ZMAT4: variants seen among roughly 807,000 people sequenced by gnomAD.
ZMAT4 encodes the protein zinc finger matrin-type 4, also known as zinc finger matrin-type protein 4.
Under a neutral mutation model 28.7 loss-of-function variants are expected in ZMAT4, and 17 were observed. The observed-to-expected ratio is 0.59, with a 90% CI of 0.41 to 0.89. The LOEUF (loss-of-function observed/expected upper bound fraction) is 0.89. Ranked by LOEUF, ZMAT4 falls within the 40% of genes least tolerant of loss-of-function variation. The pLI is 0.00. For missense variants in ZMAT4, 240 were observed against 283.8 expected (o/e 0.85, Z 1.11); for synonymous variants, 117 against 109.2 (o/e 1.07, Z -0.44).
chr8:40,734,540 C>A (rs563661046), intron 3 of ZMAT4, among the ~76,000 whole-genome samples: 1 of 152,074 alleles, frequency 6.6e-6, no homozygotes, highest in Admixed American at 6.6e-5. Context: ...TACAACCGAG[C>A]GGAGAGAGAG....
At chr8:40,678,043 C>T (rs973579574) in intron 4 of ZMAT4, among the ~76,000 whole-genome samples, 3 of 152,150 alleles carry the variant, frequency 2.0e-5, no homozygotes, top group African/African-American at 7.2e-5. Context: ...TAAAACCTCC[C>T]TCCTCCCACA....
At chr8:40,638,461 C>T (rs1806879049) in intron 5 of ZMAT4, among the ~76,000 whole-genome samples, 1 of 152,176 alleles carries the variant, frequency 6.6e-6, no homozygotes, top group Admixed American at 6.5e-5. Context: ...GGTTAAAAGC[C>T]ACCTCTGCTA....
At chr8:40,739,011 A>G (rs774796081) in intron 3 of ZMAT4, among the ~76,000 whole-genome samples, 9 of 152,262 alleles carry the variant, frequency 5.9e-5, no homozygotes, top group Non-Finnish European at 1.2e-4. Context: ...ACCCCTGAGT[A>G]AGCACACTGG....
chr8:40,757,798 G>C (rs1332900836), intron 3 of ZMAT4, among the ~76,000 whole-genome samples: 1 of 152,112 alleles, frequency 6.6e-6, no homozygotes. Flanking sequence ...GTGAGGTGTT[G>C]CCAAAGGAGG....
intron 5 of ZMAT4, among the ~76,000 whole-genome samples, chr8:40,661,837 TAG>T (rs1808211447): frequency 6.6e-6 from 1 of 152,138 alleles, no homozygotes; most frequent in African/African-American, 2.4e-5. Context: ...AACTAAACAA[TAG>T]AGATATTTAG....
At chr8:40,708,279 G>A (rs142860645) in intron 3 of ZMAT4, among the ~76,000 whole-genome samples, 6 of 152,246 alleles carry the variant, frequency 3.9e-5, no homozygotes, top group East Asian at 1.9e-4. Context: ...CATCAGGAGC[G>A]CATGTCCCAT....
chr8:40,668,758 C>T lies in ZMAT4; in HGVS notation c.577+5946G>A, dbSNP rs992995304. Among the ~76,000 whole-genome samples, 5 of 152,236 alleles carry T rather than the reference C, an allele frequency of 3.3e-5. No individual in the cohort carries two copies. In the East Asian group the frequency reaches 7.7e-4, roughly 24 times the overall value. The stretch of plus-strand genomic sequence containing the variant: ...AAAGGAAAATATAAACACCAGCTGC[C>T]AGTCTTTTGGCTGTACAAGAAGCCC... On this transcript the variant is annotated intron_variant, in intron 5 of 6. Coordinates refer to ENST00000297737, the MANE Select transcript of ZMAT4 (RefSeq NM_024645.3).
chr8:40,881,499 G>GAAAGAAAA (rs1413051640), intron 1 of ZMAT4, among the ~76,000 whole-genome samples: 1 of 129,526 alleles, frequency 7.7e-6, no homozygotes, highest in Non-Finnish European at 1.6e-5. Context: ...AAGAAAGAAA[G>GAAAGAAAA]AGGAAGGAAG....
intron 2 of ZMAT4, among the ~76,000 whole-genome samples, chr8:40,786,149 A>G (rs1308217014): frequency 6.6e-6 from 1 of 152,194 alleles, no homozygotes; most frequent in African/African-American, 2.4e-5. Context: ...TCTCTTCTGC[A>G]CAGCCCTTTC....
At chr8:40,538,505 T>C (rs1008315066) in intron 6 of ZMAT4, among the ~76,000 whole-genome samples, 2 of 152,184 alleles carry the variant, frequency 1.3e-5, no homozygotes, top group Admixed American at 6.5e-5. Flanking sequence ...TCGCGGGCCA[T>C]AGTAACTCAT....
chr8:40,706,396 A>G (rs184098701), intron 3 of ZMAT4, among the ~76,000 whole-genome samples: 1 of 152,226 alleles, frequency 6.6e-6, no homozygotes, highest in African/African-American at 2.4e-5. Context: ...AAATGAATGA[A>G]TAAATGAGGT....
At chr8:40,862,975 A>T (rs1024254240) in intron 1 of ZMAT4, among the ~76,000 whole-genome samples, 32 of 152,186 alleles carry the variant, frequency 2.1e-4, no homozygotes, top group South Asian at 1.7e-3. Flanking sequence ...ATAATTTAAA[A>T]AAAAAAGAAA....
chr8:40,881,528 C>CAGAAAGAA (rs201960642), intron 1 of ZMAT4, among the ~76,000 whole-genome samples: 697 of 51,780 alleles, frequency 0.013, 16 homozygotes, highest in Middle Eastern at 0.035. Flanking sequence ...GAGAGAGAGA[C>CAGAAAGAA]AGAAAGAAAG....
At chr8:40,761,064 T>C (rs1383609991) in intron 3 of ZMAT4, among the ~76,000 whole-genome samples, 1 of 149,820 alleles carries the variant, frequency 6.7e-6, no homozygotes, top group Non-Finnish European at 1.5e-5. Context: ...GCTGGGGCAG[T>C]GGGGCAGGGG....
chr8:40,711,367 C>T (rs1250817421), intron 3 of ZMAT4, among the ~76,000 whole-genome samples: 1 of 152,182 alleles, frequency 6.6e-6, no homozygotes, highest in East Asian at 1.9e-4. Context: ...TGGGCATCAA[C>T]AGCTGCTAAC....
intron 2 of ZMAT4, among the ~76,000 whole-genome samples, chr8:40,817,599 A>C (rs1815593584): frequency 6.6e-6 from 1 of 152,200 alleles, no homozygotes; most frequent in African/African-American, 2.4e-5. Flanking sequence ...CTGGTTGAGA[A>C]ATGTCACTGT....
intron 2 of ZMAT4, among the ~76,000 whole-genome samples, chr8:40,792,473 CAGGAAGGAAGGA>C (rs372079235): frequency 3.7e-3 from 54 of 14,516 alleles, no homozygotes; most frequent in East Asian, 0.017. Context: ...GAATAGTATT[CAGGAAGGAAGGA>C]AGGAAGGAAG....
chr8:40,858,241 C>T (rs1315759212), intron 1 of ZMAT4, among the ~76,000 whole-genome samples: 1 of 152,208 alleles, frequency 6.6e-6, no homozygotes, highest in Non-Finnish European at 1.5e-5. Flanking sequence ...AAGAGATTTG[C>T]CACTAATGAA....
At chr8:40,790,226 T>A (rs1814265868) in intron 2 of ZMAT4, among the ~76,000 whole-genome samples, 1 of 152,232 alleles carries the variant, frequency 6.6e-6, no homozygotes, top group African/African-American at 2.4e-5. Context: ...AAACTGTTTT[T>A]ATTCTTAAAC....
Sources: allele counts gnomAD v4.1 joint callset (sites outside exome capture counted in the v4.1 genomes callset), GRCh38; gene constraint gnomAD v4.1.1; transcripts MANE v1.5; gene names NCBI Gene and HGNC (gene_info 2026-07-23, HGNC 2026-07-21).